TRMT44: variants seen among roughly 807,000 people sequenced by gnomAD.
TRMT44 encodes probable tRNA (uracil-O(2)-)-methyltransferase.
A neutral mutation model predicts 77.3 loss-of-function variants in TRMT44; 78 were observed. The observed-to-expected ratio is 1.01, with a 90% confidence interval of 0.84 to 1.22. TRMT44 has a LOEUF of 1.22. TRMT44 is among the 50% of genes most tolerant of loss of function. The pLI is 0.00. For missense variants in TRMT44, 1,090 were observed against 964.4 expected, an observed-to-expected ratio of 1.13 and a Z score of -1.73; for synonymous variants, 391 against 383.3, an observed-to-expected ratio of 1.02 and a Z score of -0.23.
intron 5 of TRMT44, chr4:8,454,322 G>C (rs1725648889): frequency 5.5e-6 from 1 of 180,464 alleles, no homozygotes; most frequent in Non-Finnish European, 1.2e-5. Context: ...GCCTTGCAGG[G>C]GTGTGGGTAT....
intron 2 of TRMT44, among the ~76,000 whole-genome samples, chr4:8,488,566 C>A (rs2109228447): frequency 6.6e-6 from 1 of 152,314 alleles, no homozygotes; most frequent in Non-Finnish European, 1.5e-5. Flanking sequence ...ATTTACACTT[C>A]TTTTGTGGTG....
At chr4:8,456,615 G>A (rs1725827151) in intron 6 of TRMT44, among the ~76,000 whole-genome samples, 1 of 151,794 alleles carries the variant, frequency 6.6e-6, no homozygotes, top group Admixed American at 6.6e-5. Context: ...GCAGGCGGGT[G>A]TATTCATCTC....
the TRMT44 span, among the ~76,000 whole-genome samples, chr4:8,515,749 T>A: frequency 1.3e-5 from 2 of 152,146 alleles, no homozygotes; most frequent in Non-Finnish European, 2.9e-5. Context: ...CTGACACAGT[T>A]CACTCCCAGT....
chr4:8,493,682 C>G (rs538921418), downstream of TRMT44, among the ~76,000 whole-genome samples: 3 of 152,222 alleles, frequency 2.0e-5, no homozygotes, highest in African/African-American at 7.2e-5. Flanking sequence ...CACCTCTCGA[C>G]TTTCCGTTAG....
chr4:8,454,409 C>T (rs1725657338), intron 5 of TRMT44: 2 of 286,412 alleles, frequency 7.0e-6, no homozygotes, highest in Non-Finnish European at 1.3e-5. Context: ...ACTGTAACAA[C>T]CATTCCAAGC....
intron 6 of TRMT44, among the ~76,000 whole-genome samples, chr4:8,460,863 T>C (rs570806207): frequency 2.0e-5 from 3 of 152,052 alleles, no homozygotes; most frequent in Non-Finnish European, 4.4e-5. Context: ...CCTTTTATTT[T>C]TTTGGAGACA....
intron 2 of TRMT44, among the ~76,000 whole-genome samples, chr4:8,484,628 G>T (rs1560249150): frequency 6.6e-6 from 1 of 152,186 alleles, no homozygotes; most frequent in South Asian, 2.1e-4. Flanking sequence ...TAATGAAAAG[G>T]GTTGGGATGA....
chr4:8,472,340 C>T (rs940990479), intron 10 of TRMT44, among the ~76,000 whole-genome samples: 8 of 152,110 alleles, frequency 5.3e-5, no homozygotes, highest in African/African-American at 1.7e-4. Context: ...GGGAGCTGGT[C>T]GGGTTACAGC....
At chr4:8,504,387 G>A in the TRMT44 span, among the ~76,000 whole-genome samples, 8 of 152,010 alleles carry the variant, frequency 5.3e-5, no homozygotes, top group Admixed American at 1.3e-4. This position sits in a 1 kb window ranked among gnomAD's most constrained non-coding sequence, Gnocchi z 5.3. Flanking sequence ...TCTTCCTCCC[G>A]GGCCTGCGCT....
intron 2 of TRMT44, among the ~76,000 whole-genome samples, chr4:8,447,450 G>T (rs1725124506): frequency 6.6e-6 from 1 of 152,218 alleles, no homozygotes; most frequent in South Asian, 2.1e-4. Flanking sequence ...CAGTCTTGGG[G>T]ATAATGTCTG....
chr4:8,486,372 A>G (rs1727804369), intron 2 of TRMT44, among the ~76,000 whole-genome samples: 1 of 152,180 alleles, frequency 6.6e-6, no homozygotes, highest in Admixed American at 6.5e-5. Context: ...CAACTCAGGA[A>G]TATGTTGCTA....
rs565554406 is a variant in TRMT44 at position 8,467,795 on chromosome 4, A to C, written c.1495-119A>C. 5.4e-5 allele frequency: 64 copies of C among 1,175,514 alleles called. No individual in the cohort carries two copies. The South Asian group carries it at 9.4e-4, about 17-fold the overall frequency. 72.8% of individuals were successfully genotyped at this position (1,175,514 alleles called of 1,614,324 possible). ...GCTGGTGTCAGTTTTTTAAATCAGGATTTTTTCATGATAGACATTGAAAAC... is the reference window on the plus strand; with the variant it reads ...GCTGGTGTCAGTTTTTTAAATCAGGCTTTTTTCATGATAGACATTGAAAAC... On this transcript the variant is annotated intron_variant, in intron 8 of 10. Transcript: ENST00000389737.
chr4:8,513,993 C>T, the TRMT44 span, among the ~76,000 whole-genome samples: 7 of 152,200 alleles, frequency 4.6e-5, no homozygotes, highest in African/African-American at 7.2e-5. Flanking sequence ...GCATCAGCCA[C>T]GCTGTGCCCA....
chr4:8,489,848 G>A (rs771221452), intron 2 of TRMT44, among the ~76,000 whole-genome samples: 7 of 152,184 alleles, frequency 4.6e-5, no homozygotes, highest in Non-Finnish European at 5.9e-5. Flanking sequence ...ATGGAAGGCC[G>A]TCAGACTGGG....
rs543474300 is a variant in TRMT44 at position 8,471,639 on chromosome 4, C to T, written c.2044+439C>T. On this transcript the variant is annotated intron_variant, in intron 10 of 10. Transcript: ENST00000389737. ...GGAAGAGTGAGCCCTGCCCCACAGGCGGAGGCCTGGACTCCTGTGGCCCTC... is the reference window on the plus strand; with the variant it reads ...GGAAGAGTGAGCCCTGCCCCACAGGTGGAGGCCTGGACTCCTGTGGCCCTC... Among the ~76,000 whole-genome samples the T allele has an allele frequency of 4.6e-5, 7 of 152,350 alleles. No individual in the cohort carries two copies. In the East Asian group the frequency reaches 5.8e-4, roughly 13 times the overall value.
chr4:8,498,786 G>A, the TRMT44 span, among the ~76,000 whole-genome samples: 1 of 152,168 alleles, frequency 6.6e-6, no homozygotes, highest in East Asian at 1.9e-4. This position sits in a 1 kb window ranked among gnomAD's most constrained non-coding sequence, Gnocchi z 4.3. Context: ...GCCCTGTCTG[G>A]AGATGCCAGG....
chr4:8,450,630 G>A (rs1725379444), intron 3 of TRMT44, among the ~76,000 whole-genome samples: 1 of 152,144 alleles, frequency 6.6e-6, no homozygotes, highest in South Asian at 2.1e-4. Context: ...GTTGCGGGAA[G>A]TCAGGGACCC....
In TRMT44 at chr4:8,461,163, T is replaced by G. The variant is rs1301711196; in HGVS notation, c.1204-2822T>G. Among the ~76,000 whole-genome samples the G allele has an allele frequency of 6.6e-6, 1 of 152,042 alleles. No homozygotes were observed. Among genetic ancestry groups the G allele is most frequent in the Non-Finnish European group, 1.5e-5 (1 of 67,926 alleles). ...GCGCCGGGCCAGGGTGCTTACTCTT[T>G]GCTTGTACATTTACTCTTTGCTTTG... On this transcript the variant is annotated intron_variant, in intron 6 of 10. Coordinates refer to ENST00000389737, the MANE Select transcript of TRMT44 (RefSeq NM_152544.3). This position sits in a 1 kb window ranked among gnomAD's most constrained non-coding sequence, Gnocchi z 4.6.
intron 6 of TRMT44, among the ~76,000 whole-genome samples, chr4:8,455,781 A>G (rs760891544): frequency 1.1e-4 from 17 of 152,330 alleles, no homozygotes; most frequent in South Asian, 2.1e-4. Context: ...ACAACAACAC[A>G]AGTACAGCTG....
Sources: allele counts gnomAD v4.1 joint callset (sites outside exome capture counted in the v4.1 genomes callset), GRCh38; gene constraint gnomAD v4.1.1; non-coding constraint Gnocchi (gnomAD v3.1); transcripts MANE v1.5; gene names NCBI Gene and HGNC (gene_info 2026-07-23, HGNC 2026-07-21).